The following ZNF609 variants were observed in gnomAD, a reference collection of about 807,000 sequenced individuals.
ZNF609 encodes zinc finger protein 609.
Under a neutral mutation model 109.5 loss-of-function variants are expected in ZNF609, and 11 were observed. The ratio of observed to expected loss-of-function variants is 0.10; its 90% CI spans 0.06 to 0.17. The LOEUF is 0.17. ZNF609 is among the 10% of genes least tolerant of loss of function. ZNF609 has a pLI of 1.00. For missense variants in ZNF609, 1,559 were observed against 1,772.4 expected (o/e 0.88, Z 2.16); for synonymous variants, 646 against 662.0 (o/e 0.98, Z 0.37).
At chr15:64,503,148 C>T (rs1043871248) in intron 2 of ZNF609, 15 of 151,992 alleles carry the variant, frequency 9.9e-5, no homozygotes, top group Admixed American at 3.3e-4. Context: ...GGGAAATTTT[C>T]TGTCAGACAA....
chr15:64,506,509 T>G (rs1262390851), intron 2 of ZNF609, among the ~76,000 whole-genome samples: 1 of 150,628 alleles, frequency 6.6e-6, no homozygotes, highest in East Asian at 2.0e-4. Context: ...TCACCTGAGG[T>G]CGGGAGTTCG....
At chr15:64,542,306 G>A (rs1018123358) in intron 2 of ZNF609, among the ~76,000 whole-genome samples, 2 of 152,102 alleles carry the variant, frequency 1.3e-5, no homozygotes, top group South Asian at 2.1e-4. Context: ...AACTATAGAC[G>A]TAATTTTGCC....
At chr15:64,551,971 GT>G (rs1157004532) in intron 2 of ZNF609, among the ~76,000 whole-genome samples, 1 of 137,776 alleles carries the variant, frequency 7.3e-6, no homozygotes, top group East Asian at 2.0e-4. Context: ...GGGTGACAGA[GT>G]AAGACTCTGT....
chr15:64,539,048 G>C (rs1483607887), intron 2 of ZNF609, among the ~76,000 whole-genome samples: 1 of 151,802 alleles, frequency 6.6e-6, no homozygotes, highest in Non-Finnish European at 1.5e-5. Flanking sequence ...CTGTCACCCA[G>C]GCTGGAGTGC....
intron 3 of ZNF609, among the ~76,000 whole-genome samples, chr15:64,645,509 A>G (rs1267673767): frequency 3.3e-5 from 5 of 152,118 alleles, no homozygotes; most frequent in Non-Finnish European, 7.3e-5. Flanking sequence ...TGACACCAAA[A>G]GCACAAGCCA....
rs1382801500 is a variant in ZNF609, at chr15:64,682,203, G to T, written c.*517G>T. 6.6e-6 allele frequency: 1 copy of T among 152,644 alleles called. No individual in the cohort carries two copies. The highest frequency in any genetic ancestry group is 1.5e-5 in the Non-Finnish European group (1 of 68,072). 9.5% of individuals were successfully genotyped at this position (152,644 alleles called of 1,614,324 possible). On this transcript the variant is annotated 3_prime_UTR_variant, in exon 10 of 10. Transcript: ENST00000326648. ...GTGCTTTGCACCCTGGGAATTGGCA[G>T]CATGTGGAGGAACTAGAATCTCAGG...
chr15:64,563,240 A>C (rs924047369), intron 2 of ZNF609, among the ~76,000 whole-genome samples: 1 of 151,944 alleles, frequency 6.6e-6, no homozygotes, highest in Non-Finnish European at 1.5e-5. Context: ...ACGTGAGCCT[A>C]AGAGTTCAAG....
At chr15:64,463,399 T>TA (rs34188401) in intron 1 of ZNF609, among the ~76,000 whole-genome samples, 5,179 of 140,696 alleles carry the variant, frequency 0.037, 124 homozygotes, top group Non-Finnish European at 0.054. Flanking sequence ...ACCTTGTCTT[T>TA]AAAAAAAAAA....
At chr15:64,549,661 G>T (rs975279105) in intron 2 of ZNF609, among the ~76,000 whole-genome samples, 7 of 150,658 alleles carry the variant, frequency 4.6e-5, no homozygotes, top group Non-Finnish European at 8.9e-5. Context: ...GTCTGTACTC[G>T]TGTGTGTGTG....
Position 64,680,786 on chromosome 15 carries a change from G to C in ZNF609, c.4086G>C (p.Leu1362=), listed in dbSNP as rs1437697097. The C allele has an allele frequency of 6.2e-7, 1 of 1,613,602 alleles. No individual in the cohort carries two copies. The highest frequency in any genetic ancestry group is 8.5e-7 in the Non-Finnish European group (1 of 1,179,990). The change falls in exon 8 of 10, where the codon CTG becomes CTC. Residue 1362 remains leucine, a synonymous_variant. Coordinates refer to ENST00000326648, the MANE Select transcript of ZNF609 (RefSeq NM_015042.2). The stretch of plus-strand genomic sequence containing the variant: ...CCCGCACCTCTCCTTCCCAGCGCCT[G>C]ATGTCCACACACCACCACCACCACC... ...DRPRTSPSQR[L]MSTHHHHHHL...
At chr15:64,680,981 AT>A (rs796962997) in intron 8 of ZNF609, 119 bp downstream of exon 8, 33,553 of 825,904 alleles carry the variant, frequency 0.041, 2 homozygotes, top group South Asian at 0.074. Context: ...TCCTTTTTTA[AT>A]TTTTTTTTTT....
intron 1 of ZNF609, among the ~76,000 whole-genome samples, chr15:64,472,336 T>G (rs967854459): frequency 1.3e-5 from 2 of 152,246 alleles, no homozygotes; most frequent in African/African-American, 2.4e-5. Context: ...GAAATCCAGA[T>G]GAGGCAGTTA....
rs150737750 is a variant in ZNF609 at position 64,554,429 on chromosome 15, C to T, written c.747+54263C>T. ...GCCAAGGCAGGCAGATTGCTTGAGC[C>T]CAGGAGTTCAAGACCAGCCTGGACA... On this transcript the variant is annotated intron_variant, in intron 2 of 9. Coordinates refer to ENST00000326648, the MANE Select transcript of ZNF609 (RefSeq NM_015042.2). Among the ~76,000 whole-genome samples, 899 of 152,074 alleles carry T rather than the reference C, an allele frequency of 5.9e-3. 7 individuals are homozygous for T. The highest frequency in any genetic ancestry group is 0.011 in the South Asian group (55 of 4,810).
intron 2 of ZNF609, chr15:64,528,790 G>T (rs574357862): frequency 3.6e-6 from 3 of 825,908 alleles, no homozygotes; most frequent in Non-Finnish European, 6.2e-6. Context: ...CCCCAGCATC[G>T]AAGGTAGAAG....
chr15:64,538,464 T>C (rs1406368572), intron 2 of ZNF609, among the ~76,000 whole-genome samples: 2 of 152,378 alleles, frequency 1.3e-5, no homozygotes, highest in South Asian at 2.1e-4. Flanking sequence ...ATTAGTAAAT[T>C]TGTCCATAGG....
chr15:64,617,787 C>A (rs1053433228), intron 2 of ZNF609, among the ~76,000 whole-genome samples: 1 of 151,978 alleles, frequency 6.6e-6, no homozygotes, highest in African/African-American at 2.4e-5. Flanking sequence ...TCTCAAAAAA[C>A]AAACAAACAA....
chr15:64,623,235 C>T (rs565835793), intron 3 of ZNF609, among the ~76,000 whole-genome samples, 183 bp downstream of exon 3: 2 of 152,210 alleles, frequency 1.3e-5, no homozygotes, highest in Non-Finnish European at 2.9e-5. Flanking sequence ...TCTAGAGATT[C>T]TTCCCTTCAT....
intron 3 of ZNF609, among the ~76,000 whole-genome samples, chr15:64,635,722 G>A (rs1896163707): frequency 6.6e-6 from 1 of 152,150 alleles, no homozygotes; most frequent in African/African-American, 2.4e-5. Flanking sequence ...TAACAAAGTT[G>A]GCAACTAGCC....
intron 3 of ZNF609, among the ~76,000 whole-genome samples, chr15:64,666,563 G>A (rs2141008499): frequency 6.6e-6 from 1 of 152,070 alleles, no homozygotes; most frequent in Non-Finnish European, 1.5e-5. Context: ...GAGTGCAGTA[G>A]CACAATCTCA....
Sources: gnomAD v4.1 joint callset for allele counts (sites outside exome capture counted in the v4.1 genomes callset) on GRCh38, gnomAD v4.1.1 for gene constraint, MANE v1.5 for transcripts, NCBI Gene and HGNC (gene_info 2026-07-23, HGNC 2026-07-21) for gene names.